The following ZNF280D variants were observed in gnomAD, a reference collection of about 807,000 sequenced individuals.
The protein encoded by ZNF280D is zinc finger protein 280D, also known as suppressor of hairy wing homolog 4.
In ZNF280D, 39 loss-of-function variants were observed where a neutral mutation model predicts 94.7. That is an observed-to-expected ratio of 0.41 (90% CI 0.32 to 0.54). The LOEUF is 0.54. Ranked by LOEUF, ZNF280D falls within the 20% of genes least tolerant of loss-of-function variation. The probability of loss-of-function intolerance (pLI) is 0.22; values close to 1 mark genes in which losing one functional copy is unlikely to be tolerated. For missense variants in ZNF280D, 1,090 were observed against 1,149.3 expected (o/e 0.95, Z 0.75); for synonymous variants, 398 against 377.6 (o/e 1.05, Z -0.63).
intron 19 of ZNF280D, chr15:56,653,160 T>C: frequency 2.0e-6 from 2 of 1,016,478 alleles, no homozygotes; most frequent in Non-Finnish European, 2.4e-6. Flanking sequence ...GATATGAAAG[T>C]AGCCATGGTT....
chr15:56,670,958 T>C (rs1252672393), intron 13 of ZNF280D, among the ~76,000 whole-genome samples: 1 of 152,124 alleles, frequency 6.6e-6, no homozygotes, highest in African/African-American at 2.4e-5. Context: ...TTTCATATCA[T>C]TGTTGGCCGC....
At chr15:56,669,902 A>ATATATATATT (rs1491164823) in intron 13 of ZNF280D, among the ~76,000 whole-genome samples, 1 of 2,734 alleles carries the variant, frequency 3.7e-4, no homozygotes, top group African/African-American at 9.2e-4. Flanking sequence ...ATATATATAT[A>ATATATATATT]ATATATATAT....
intron 20 of ZNF280D, among the ~76,000 whole-genome samples, chr15:56,638,995 A>C (rs72744945): frequency 0.078 from 11,893 of 152,060 alleles, 627 homozygotes; most frequent in South Asian, 0.18. Flanking sequence ...AAAAACAAAA[A>C]GGAATAAAGA....
intron 20 of ZNF280D, among the ~76,000 whole-genome samples, chr15:56,641,954 AT>A (rs1427725458): frequency 6.6e-6 from 1 of 151,762 alleles, no homozygotes; most frequent in Non-Finnish European, 1.5e-5. Context: ...CATGTTTAAA[AT>A]TAAAATATAT....
intron 13 of ZNF280D, 107 bp downstream of exon 13, chr15:56,676,562 TG>T: frequency 1.0e-6 from 1 of 981,008 alleles, no homozygotes; most frequent in South Asian, 2.6e-5. Context: ...TAGTGTCATT[TG>T]GAACAACTCT....
At chr15:56,643,625 T>C (rs1209900217) in intron 19 of ZNF280D, among the ~76,000 whole-genome samples, 3 of 151,866 alleles carry the variant, frequency 2.0e-5, no homozygotes, top group African/African-American at 7.2e-5. Context: ...GTATATGCCA[T>C]CCAGAAAATC....
chr15:56,721,744 C>T (rs947123926), intron 1 of ZNF280D, among the ~76,000 whole-genome samples: 6 of 152,126 alleles, frequency 3.9e-5, no homozygotes, highest in Admixed American at 2.0e-4. Context: ...AATGTTGTGG[C>T]GGGTTTGATC....
Position 56,653,830 on chromosome 15 carries a change from A to G in ZNF280D, c.2213+368T>C, listed in dbSNP as rs141594011. On this transcript the variant is annotated intron_variant, in intron 19 of 21. Coordinates refer to ENST00000267807, the MANE Select transcript of ZNF280D (RefSeq NM_017661.4). ...AACAAATGTTATTTTTAGACAGCGC[A>G]AACTGGAGAAAAAAAAATATGTTAA... is the stretch of plus-strand genomic sequence containing the variant. 2.8e-3 allele frequency: 3,454 copies of G among 1,251,118 alleles called. 6 individuals are homozygous for G. Among genetic ancestry groups the G allele is most frequent in the Middle Eastern group, 4.7e-3 (15 of 3,206 alleles). The allele number at this position is 1,251,118 out of a possible 1,614,324, so 77.5% of individuals were successfully genotyped here.
At chr15:56,692,987 A>G (rs2068947499) in intron 7 of ZNF280D, 111 bp downstream of exon 7, 1 of 616,676 alleles carries the variant, frequency 1.6e-6, no homozygotes, top group African/African-American at 1.9e-5. Flanking sequence ...ACCTTACAAT[A>G]TATGAAAAAC....
intron 1 of ZNF280D, among the ~76,000 whole-genome samples, chr15:56,727,315 C>T (rs766825381): frequency 5.9e-5 from 9 of 152,082 alleles, no homozygotes; most frequent in Non-Finnish European, 1.3e-4. Flanking sequence ...CAAAATTAGT[C>T]AGGCATGGTG....
At chr15:56,657,571 C>G (rs1188928653) in intron 17 of ZNF280D, among the ~76,000 whole-genome samples, 1 of 152,040 alleles carries the variant, frequency 6.6e-6, no homozygotes, top group Admixed American at 6.6e-5. Context: ...TCTAAGAATA[C>G]AATGAACACA....
intron 5 of ZNF280D, 31 bp downstream of exon 5, chr15:56,701,142 T>C (rs1378116337): frequency 6.2e-7 from 1 of 1,600,148 alleles, no homozygotes. Context: ...ATACTTCACT[T>C]TAAAATTAAA....
intron 20 of ZNF280D, among the ~76,000 whole-genome samples, chr15:56,640,242 A>G (rs2052563243): frequency 6.6e-6 from 1 of 152,082 alleles, no homozygotes; most frequent in Admixed American, 6.6e-5. Flanking sequence ...AGGCAAAAGA[A>G]AAAATGAATG....
At chr15:56,674,751 T>C (rs2055102029) in intron 13 of ZNF280D, among the ~76,000 whole-genome samples, 1 of 151,532 alleles carries the variant, frequency 6.6e-6, no homozygotes, top group African/African-American at 2.4e-5. Context: ...CTGCTTGTTT[T>C]ATTAAAGCTC....
chr15:56,697,270 C>T (rs1256652473), intron 6 of ZNF280D, among the ~76,000 whole-genome samples: 5 of 151,962 alleles, frequency 3.3e-5, no homozygotes, highest in Non-Finnish European at 5.9e-5. Flanking sequence ...CTGCAACCTC[C>T]GCCTCCCAGG....
At chr15:56,687,816 G>A (rs2056131233) in intron 9 of ZNF280D, among the ~76,000 whole-genome samples, 2 of 152,136 alleles carry the variant, frequency 1.3e-5, no homozygotes, top group South Asian at 2.1e-4. Flanking sequence ...TACTCTGAGA[G>A]TAAGGACAGA....
intron 19 of ZNF280D, among the ~76,000 whole-genome samples, chr15:56,646,136 A>C (rs4774883): frequency 0.99 from 150,731 of 152,332 alleles, 74,601 homozygotes; most frequent in Middle Eastern, 1. Flanking sequence ...CATGACCTTC[A>C]ACTTAGCCCA....
At chr15:56,693,077 G>A (rs1596525560) in intron 7 of ZNF280D, 21 bp downstream of exon 7, 1 of 1,451,984 alleles carries the variant, frequency 6.9e-7, no homozygotes, top group Non-Finnish European at 9.6e-7. Context: ...TAACCTTTAT[G>A]AAAAAAATAC....
chr15:56,664,345 C>A (rs1489799498), intron 16 of ZNF280D, among the ~76,000 whole-genome samples: 1 of 152,068 alleles, frequency 6.6e-6, no homozygotes, highest in Admixed American at 6.6e-5. Flanking sequence ...GACAAACTGT[C>A]CTCTTCCAAA....
Sources: gnomAD v4.1 joint callset for allele counts (sites outside exome capture counted in the v4.1 genomes callset) on GRCh38, gnomAD v4.1.1 for gene constraint, MANE v1.5 for transcripts, NCBI Gene and HGNC (gene_info 2026-07-23, HGNC 2026-07-21) for gene names.